The following PIK3C2G variants were observed in gnomAD, a reference collection of about 807,000 sequenced individuals.
PIK3C2G encodes phosphatidylinositol-4-phosphate 3-kinase catalytic subunit type 2 gamma.
Under a neutral mutation model 181.1 loss-of-function variants are expected in PIK3C2G, and 168 were observed. The observed-to-expected ratio is 0.93, with a 90% CI of 0.82 to 1.05. The LOEUF is 1.05. Ranked by LOEUF, PIK3C2G falls within the 50% of genes least tolerant of loss-of-function variation. The pLI, the probability that PIK3C2G is intolerant of heterozygous loss-of-function variation, is 0.00. For missense variants in PIK3C2G, 1,869 were observed against 1,732.8 expected (o/e 1.08, Z -1.40); for synonymous variants, 573 against 592.2 (o/e 0.97, Z 0.47).
upstream of PIK3C2G, among the ~76,000 whole-genome samples, chr12:18,258,536 T>C (rs1449119041): frequency 1.3e-5 from 2 of 152,136 alleles, no homozygotes; most frequent in Non-Finnish European, 2.9e-5. Flanking sequence ...ATGTAGTATT[T>C]CTTTTTCTAT....
At position 18,352,757 on chromosome 12, in the gene PIK3C2G, T is replaced by A. The variant is rs549159871; in HGVS notation, c.1625+5921T>A. ...GAAAGGGGATGGAGTGGGGAGGTAG[T>A]CTTCTTCTGGAGTTCAGCCATTCCT... On this transcript the variant is annotated intron_variant, in intron 11 of 32. Coordinates refer to ENST00000538779, the MANE Select transcript of PIK3C2G (RefSeq NM_001288772.2). Among the ~76,000 whole-genome samples, 110 of 152,194 alleles carry A rather than the reference T, an allele frequency of 7.2e-4. 1 individual carries two copies. The highest frequency in any genetic ancestry group is 3.4e-3 in the Middle Eastern group (1 of 294).
At chr12:18,450,372 C>T (rs11044125) in intron 18 of PIK3C2G, among the ~76,000 whole-genome samples, 37,286 of 152,112 alleles carry the variant, frequency 0.25, 5,341 homozygotes, top group East Asian at 0.56. Context: ...GTGATCCACC[C>T]GCCTCAGCCT....
chr12:18,647,791 AT>A (rs200731565), intron 32 of PIK3C2G, 84 bp from the exon 33 acceptor site: 64 of 720,070 alleles, frequency 8.9e-5, no homozygotes, highest in South Asian at 1.5e-4. Flanking sequence ...TTAGCAGCTA[AT>A]TTTTTTTATT....
At chr12:18,343,216 T>C (rs1939305505) in intron 9 of PIK3C2G, 111 bp from the exon 10 acceptor site, 1 of 629,450 alleles carries the variant, frequency 1.6e-6, no homozygotes, top group African/African-American at 1.9e-5. Context: ...AAATATTTTG[T>C]TGTTTTACCA....
At chr12:18,278,778 T>C (rs1230455219) in intron 1 of PIK3C2G, among the ~76,000 whole-genome samples, 1 of 152,156 alleles carries the variant, frequency 6.6e-6, no homozygotes, top group Non-Finnish European at 1.5e-5. Flanking sequence ...AAATAATATT[T>C]TTATTTGTTT....
chr12:18,291,891 CAAAAAAA>C (rs201787425), intron 4 of PIK3C2G, among the ~76,000 whole-genome samples: 2 of 112,338 alleles, frequency 1.8e-5, no homozygotes, highest in Admixed American at 9.3e-5. Flanking sequence ...CTAGCTTAAG[CAAAAAAA>C]AAAAAAAAAT....
intron 30 of PIK3C2G, among the ~76,000 whole-genome samples, chr12:18,605,296 G>A (rs1380340180): frequency 6.6e-6 from 1 of 152,038 alleles, no homozygotes; most frequent in Admixed American, 6.6e-5. Context: ...AGACATGGAT[G>A]AATTCCTGGA....
chr12:18,508,320 A>G (rs990419776), intron 24 of PIK3C2G, among the ~76,000 whole-genome samples: 1 of 152,180 alleles, frequency 6.6e-6, no homozygotes, highest in Admixed American at 6.5e-5. Flanking sequence ...CATACCTATT[A>G]CACTATCTTT....
At chr12:18,691,672 T>C in the PIK3C2G span, among the ~76,000 whole-genome samples, 1 of 152,134 alleles carries the variant, frequency 6.6e-6, no homozygotes, top group African/African-American at 2.4e-5. Flanking sequence ...TTTTACCAGA[T>C]CAACTACAAA....
At chr12:18,575,301 C>A (rs1408523928) in intron 29 of PIK3C2G, among the ~76,000 whole-genome samples, 2 of 152,156 alleles carry the variant, frequency 1.3e-5, no homozygotes, top group Non-Finnish European at 2.9e-5. Context: ...CTATCTAGAG[C>A]TACTAAATCA....
At chr12:18,618,623 A>T (rs192461555) in intron 31 of PIK3C2G, among the ~76,000 whole-genome samples, 3 of 152,180 alleles carry the variant, frequency 2.0e-5, no homozygotes, top group Non-Finnish European at 4.4e-5. Flanking sequence ...TTGAAAAGAC[A>T]ATAGATACAC....
intron 31 of PIK3C2G, among the ~76,000 whole-genome samples, chr12:18,613,488 T>G (rs2136621929): frequency 6.6e-6 from 1 of 152,242 alleles, no homozygotes. Context: ...AAAACTGTAT[T>G]ACTTTTAATT....
At chr12:18,521,006 T>A (rs1275173484) in intron 24 of PIK3C2G, among the ~76,000 whole-genome samples, 1 of 152,158 alleles carries the variant, frequency 6.6e-6, no homozygotes, top group African/African-American at 2.4e-5. Context: ...GTCCCTCTTC[T>A]GTAGGGCTGC....
chr12:18,282,215 A>G lies in PIK3C2G; in HGVS notation c.134A>G (p.Asp45Gly), dbSNP rs776875904. ...AGTCTGGGTTTTGATCAGATAGTAG[A>G]TGAGATCAGTGGCAAAATTCCACAC... Reference protein sequence around the residue: ...QVSLGFDQIVDEISGKIPHYE... With the variant: ...QVSLGFDQIVGEISGKIPHYE... Residue 45 changes from aspartate to glycine, a missense_variant, in exon 2 of 33, where the codon GAT becomes GGT. Coordinates refer to ENST00000538779, the MANE Select transcript of PIK3C2G (RefSeq NM_001288772.2). The G allele has an allele frequency of 9.3e-6, 15 of 1,613,608 alleles. No homozygotes were observed. The South Asian group carries it at 1.5e-4, about 17-fold the overall frequency.
chr12:18,640,277 G>T (rs1949782537), intron 31 of PIK3C2G, among the ~76,000 whole-genome samples, 152 bp from the exon 32 acceptor site: 1 of 152,026 alleles, frequency 6.6e-6, no homozygotes, highest in South Asian at 2.1e-4. Flanking sequence ...TTTGAGCATG[G>T]ATGAATTTCT....
At chr12:18,429,994 G>A (rs1164075812) in intron 18 of PIK3C2G, among the ~76,000 whole-genome samples, 2 of 152,096 alleles carry the variant, frequency 1.3e-5, no homozygotes, top group Non-Finnish European at 2.9e-5. Flanking sequence ...ATCAAGGTTA[G>A]ACTTGACCCG....
intron 18 of PIK3C2G, among the ~76,000 whole-genome samples, chr12:18,439,429 A>G (rs1946617492): frequency 6.6e-6 from 1 of 152,080 alleles, no homozygotes. Flanking sequence ...TAGTTCTTTT[A>G]AAGCGTTATT....
At chr12:18,321,714 C>T (rs150653208) in intron 7 of PIK3C2G, among the ~76,000 whole-genome samples, 66 of 152,272 alleles carry the variant, frequency 4.3e-4, no homozygotes, top group African/African-American at 1.5e-3. Flanking sequence ...ATATGCCCAT[C>T]AGTGATTGAC....
chr12:18,493,915 A>G (rs1432878283), intron 20 of PIK3C2G, among the ~76,000 whole-genome samples: 2 of 152,124 alleles, frequency 1.3e-5, no homozygotes, highest in Non-Finnish European at 2.9e-5. Context: ...ACCATTCCCT[A>G]TTTCCTTTTA....
Sources: gnomAD v4.1 joint callset for allele counts (sites outside exome capture counted in the v4.1 genomes callset) on GRCh38, gnomAD v4.1.1 for gene constraint, MANE v1.5 for transcripts, NCBI Gene and HGNC (gene_info 2026-07-23, HGNC 2026-07-21) for gene names.